Variants in DLG2 observed in about 807,000 individuals in gnomAD.
The protein encoded by DLG2 is discs large MAGUK scaffold protein 2, also known as disks large homolog 2.
In DLG2, 45 loss-of-function variants were observed where a neutral mutation model predicts 132.5. The ratio of observed to expected loss-of-function variants is 0.34; its 90% CI spans 0.27 to 0.44. DLG2 has a LOEUF of 0.44. DLG2 is among the 20% of genes least tolerant of loss of function. The pLI, the probability that DLG2 is intolerant of heterozygous loss-of-function variation, is 1.00. For synonymous variants in DLG2, 424 were observed against 419.6 expected (o/e 1.01, Z -0.13); for missense variants, 1,045 against 1,196.9 (o/e 0.87, Z 1.87).
At chr11:83,709,231 C>CTGTGTG (rs112665187) in intron 18 of DLG2, among the ~76,000 whole-genome samples, 6,910 of 147,214 alleles carry the variant, frequency 0.047, 185 homozygotes, top group South Asian at 0.091. Flanking sequence ...AAATTTTACA[C>CTGTGTG]TGTGTGTGTG....
intron 4 of DLG2, among the ~76,000 whole-genome samples, chr11:85,174,872 T>C (rs532130170): frequency 1.1e-4 from 17 of 152,110 alleles, no homozygotes; most frequent in South Asian, 1.0e-3. Context: ...CTAGAAGAAA[T>C]TGATAAATTC....
intron 6 of DLG2, among the ~76,000 whole-genome samples, chr11:84,898,980 T>C (rs1160614277): frequency 6.6e-6 from 1 of 152,086 alleles, no homozygotes; most frequent in Non-Finnish European, 1.5e-5. Context: ...GATTGAATTT[T>C]ATTCATTTTT....
chr11:85,359,077 T>C (rs1391955882), intron 3 of DLG2, among the ~76,000 whole-genome samples: 1 of 152,240 alleles, frequency 6.6e-6, no homozygotes, highest in African/African-American at 2.4e-5. Context: ...GATAAAGCCT[T>C]GATCTTCCCT....
At chr11:84,839,675 T>C (rs2080338920) in intron 6 of DLG2, among the ~76,000 whole-genome samples, 1 of 152,012 alleles carries the variant, frequency 6.6e-6, no homozygotes, top group African/African-American at 2.4e-5. Flanking sequence ...AACAGAGGCC[T>C]CAGAAATAAC....
chr11:85,309,827 G>A (rs561054014), intron 3 of DLG2, among the ~76,000 whole-genome samples: 1 of 152,058 alleles, frequency 6.6e-6, no homozygotes, highest in Non-Finnish European at 1.5e-5. Context: ...GCTGAGTCTG[G>A]TGCCCTTGTT....
At position 84,994,225 on chromosome 11, in the gene DLG2, T is replaced by C. The variant is rs546191014; in HGVS notation, c.357+117436A>G. 2.6e-5 allele frequency among the ~76,000 whole-genome samples: 4 copies of C among 152,286 alleles called. No homozygotes were observed. The South Asian group carries it at 8.3e-4, about 32-fold the overall frequency. Reference sequence around the variant, plus strand: ...ATACAAACGTGAGCCTCAGTCTCTCTCTCCAGCTCTACTCATCTCTACTGT... The same window carrying C: ...ATACAAACGTGAGCCTCAGTCTCTCCCTCCAGCTCTACTCATCTCTACTGT... On this transcript the variant is annotated intron_variant, in intron 6 of 27. Coordinates refer to ENST00000376104, the MANE Select transcript of DLG2 (RefSeq NM_001142699.3).
chr11:85,174,624 A>G (rs767727232), intron 4 of DLG2, among the ~76,000 whole-genome samples: 13 of 152,174 alleles, frequency 8.5e-5, no homozygotes, highest in Non-Finnish European at 1.9e-4. Context: ...TCAGAGTGGA[A>G]CTAAGGAGAC....
At chr11:84,615,817 G>GAAAAAAAAAAA (rs2099602949) in intron 6 of DLG2, among the ~76,000 whole-genome samples, 2 of 52,894 alleles carry the variant, frequency 3.8e-5, no homozygotes, top group Non-Finnish European at 6.6e-5. Flanking sequence ...GACAAAAACG[G>GAAAAAAAAAAA]TAAAAAAAAA....
chr11:83,494,528 G>A (rs1346682683), intron 21 of DLG2, among the ~76,000 whole-genome samples: 1 of 149,654 alleles, frequency 6.7e-6, no homozygotes, highest in Non-Finnish European at 1.5e-5. Context: ...GTTTATGGCT[G>A]TTTTTTAGGT....
At chr11:84,744,121 T>C (rs1450638838) in intron 6 of DLG2, among the ~76,000 whole-genome samples, 1 of 152,178 alleles carries the variant, frequency 6.6e-6, no homozygotes, top group African/African-American at 2.4e-5. Context: ...CTAAAAAGTT[T>C]AGGTTTTATT....
intron 21 of DLG2, among the ~76,000 whole-genome samples, chr11:83,499,644 C>T (rs948079562): frequency 6.6e-6 from 1 of 150,734 alleles, no homozygotes; most frequent in Admixed American, 6.6e-5. Context: ...TAAGGTAAGT[C>T]TTCCTGCCCT....
At chr11:85,339,482 T>C (rs2082342290) in intron 3 of DLG2, among the ~76,000 whole-genome samples, 1 of 152,204 alleles carries the variant, frequency 6.6e-6, no homozygotes, top group Admixed American at 6.5e-5. Flanking sequence ...ACATCACCAA[T>C]ATATGAAAAT....
chr11:84,654,671 T>C (rs2099686076), intron 6 of DLG2, among the ~76,000 whole-genome samples: 1 of 152,202 alleles, frequency 6.6e-6, no homozygotes. Flanking sequence ...GGCTGGTATG[T>C]TCAATATCGG....
intron 6 of DLG2, among the ~76,000 whole-genome samples, chr11:84,681,178 T>A (rs1302904218): frequency 6.6e-6 from 1 of 152,218 alleles, no homozygotes; most frequent in South Asian, 2.1e-4. Context: ...AATAATCATA[T>A]AGGAAAGCAG....
At chr11:84,255,158 C>T (rs1209559102) in intron 7 of DLG2, among the ~76,000 whole-genome samples, 1 of 152,172 alleles carries the variant, frequency 6.6e-6, no homozygotes, top group African/African-American at 2.4e-5. Flanking sequence ...CTTCCTTTAG[C>T]TCATCTGGCT....
At chr11:85,248,427 T>C (rs1052857249) in intron 4 of DLG2, among the ~76,000 whole-genome samples, 3 of 151,986 alleles carry the variant, frequency 2.0e-5, no homozygotes, top group African/African-American at 4.8e-5. Flanking sequence ...TAATTAAAGA[T>C]TTTTTTTACC....
At chr11:84,847,504 C>T (rs528758203) in intron 6 of DLG2, among the ~76,000 whole-genome samples, 1 of 152,090 alleles carries the variant, frequency 6.6e-6, no homozygotes, top group African/African-American at 2.4e-5. Flanking sequence ...AATGAAGGAA[C>T]TGTCCAGTTT....
At chr11:83,527,403 T>G (rs1239429803) in intron 21 of DLG2, among the ~76,000 whole-genome samples, 1 of 152,158 alleles carries the variant, frequency 6.6e-6, no homozygotes, top group Non-Finnish European at 1.5e-5. Context: ...ATAAATGATT[T>G]CCTTTGAAGT....
At chr11:84,720,330 G>A in intron 6 of DLG2, 1 of 985,474 alleles carries the variant, frequency 1.0e-6, no homozygotes, top group Non-Finnish European at 1.2e-6. Context: ...AGTGTTGTTG[G>A]TGCAAGCAAC....
Sources: gnomAD v4.1 joint callset for allele counts (sites outside exome capture counted in the v4.1 genomes callset) on GRCh38, gnomAD v4.1.1 for gene constraint, MANE v1.5 for transcripts, NCBI Gene and HGNC (gene_info 2026-07-23, HGNC 2026-07-21) for gene names.